The following COL17A1 variants were observed in gnomAD, a reference collection of about 807,000 sequenced individuals.
COL17A1 encodes collagen alpha-1(XVII) chain.
In COL17A1, 181 loss-of-function variants were observed where a neutral mutation model predicts 218.4. The ratio of observed to expected loss-of-function variants is 0.83; its 90% CI spans 0.73 to 0.94. The LOEUF (loss-of-function observed/expected upper bound fraction) is 0.94, where lower values mean the gene tolerates loss of function less well. Among genes scored for constraint, COL17A1 ranks in the 40% least tolerant of loss-of-function variants. The probability of loss-of-function intolerance (pLI) is 0.00; values close to 1 mark genes in which losing one functional copy is unlikely to be tolerated. For synonymous variants in COL17A1, 721 were observed against 731.0 expected, an observed-to-expected ratio of 0.99 and a Z score of 0.22; for missense variants, 1,924 against 1,945.9, an observed-to-expected ratio of 0.99 and a Z score of 0.21.
At chr10:104,049,997 G>T in intron 28 of COL17A1, 92 bp downstream of exon 28, 1 of 1,587,938 alleles carries the variant, frequency 6.3e-7, no homozygotes, top group South Asian at 1.1e-5. Flanking sequence ...AAACAGATTC[G>T]GTCTCTTACT....
At position 104,049,428 on chromosome 10, in the gene COL17A1, G is replaced by C; in HGVS notation, c.2208C>G (p.Pro736=). The change falls in exon 29 of 56, where the codon CCC becomes CCG. Residue 736 remains proline, a synonymous_variant. Coordinates refer to ENST00000648076, the MANE Select transcript of COL17A1 (RefSeq NM_000494.4). ...MRGLPGAVGE[P]GAKGAMGPAG... is the part of the protein sequence containing the mutation. Reference sequence around the variant, plus strand: ...ACTTACCCATTGCTCCTTTAGCCCCGGGCTCACCAACAGCACCAGGCAAAC... The same window carrying C: ...ACTTACCCATTGCTCCTTTAGCCCCCGGCTCACCAACAGCACCAGGCAAAC... The C allele has an allele frequency of 6.2e-7, 1 of 1,614,168 alleles. No individual in the cohort carries two copies. The highest frequency in any genetic ancestry group is 8.5e-7 in the Non-Finnish European group (1 of 1,180,012).
chr10:104,085,557 C>T (rs2086799023), intron 1 of COL17A1, among the ~76,000 whole-genome samples, 166 bp downstream of exon 1: 1 of 152,234 alleles, frequency 6.6e-6, no homozygotes, highest in African/African-American at 2.4e-5. Flanking sequence ...AAGCAGAATG[C>T]ATACACCAAA....
intron 5 of COL17A1, among the ~76,000 whole-genome samples, chr10:104,076,046 C>T (rs1042263447): frequency 1.3e-5 from 2 of 152,240 alleles, no homozygotes; most frequent in African/African-American, 4.8e-5. Context: ...GCATTCTACA[C>T]AGTGTTAAAC....
At chr10:104,066,903 C>G (rs1207123795) in intron 9 of COL17A1, among the ~76,000 whole-genome samples, 1 of 152,126 alleles carries the variant, frequency 6.6e-6, no homozygotes, top group African/African-American at 2.4e-5. Flanking sequence ...AAGTGTGCCT[C>G]TAACAAGTAC....
At chr10:104,042,378 G>T (rs774378565) in intron 36 of COL17A1, 42 bp downstream of exon 36, 2 of 1,610,510 alleles carry the variant, frequency 1.2e-6, no homozygotes, top group Non-Finnish European at 1.7e-6. Context: ...AAGTCCTCCC[G>T]ACTGGGCCCA....
At chr10:104,079,364 C>T (rs1252270651) in intron 2 of COL17A1, among the ~76,000 whole-genome samples, 2 of 151,980 alleles carry the variant, frequency 1.3e-5, no homozygotes, top group Admixed American at 1.3e-4. Flanking sequence ...TGTATGCATG[C>T]ATGCATGTGT....
chr10:104,047,486 C>T (rs1042145307), intron 31 of COL17A1, among the ~76,000 whole-genome samples: 1 of 152,202 alleles, frequency 6.6e-6, no homozygotes, highest in Non-Finnish European at 1.5e-5. Flanking sequence ...GGTGCCAGGG[C>T]CTACAGCCAC....
chr10:104,050,721 T>C, intron 26 of COL17A1, 65 bp from the exon 27 acceptor site: 1 of 1,614,006 alleles, frequency 6.2e-7, no homozygotes, highest in South Asian at 1.1e-5. Context: ...AGGGGCAATG[T>C]CTGTCTCTGA....
chr10:104,043,347 G>A (rs1356677361), intron 35 of COL17A1, among the ~76,000 whole-genome samples, 154 bp downstream of exon 35: 1 of 152,198 alleles, frequency 6.6e-6, no homozygotes, highest in African/African-American at 2.4e-5. Flanking sequence ...CATTGTCTGA[G>A]AATGCAAGAG....
intron 23 of COL17A1, among the ~76,000 whole-genome samples, chr10:104,052,598 C>G (rs1225545789): frequency 6.6e-6 from 1 of 152,180 alleles, no homozygotes; most frequent in South Asian, 2.1e-4. Flanking sequence ...CCTTCCCCAG[C>G]CTCTCCAGCA....
At chr10:104,064,008 G>C (rs1400131868) in intron 10 of COL17A1, among the ~76,000 whole-genome samples, 190 bp from the exon 11 acceptor site, 1 of 152,342 alleles carries the variant, frequency 6.6e-6, no homozygotes, top group South Asian at 2.1e-4. Context: ...ACTGCACCTT[G>C]GGTCACAGCC....
At chr10:104,049,850 G>C (rs573783302) in intron 28 of COL17A1, among the ~76,000 whole-genome samples, 2 of 152,316 alleles carry the variant, frequency 1.3e-5, no homozygotes, top group South Asian at 2.1e-4. Context: ...AAGAATCAGA[G>C]ACAATCCTAC....
intron 55 of COL17A1, 37 bp downstream of exon 55, chr10:104,032,637 T>A: frequency 3.1e-6 from 5 of 1,595,856 alleles, no homozygotes; most frequent in Non-Finnish European, 4.3e-6. Flanking sequence ...CTTGCAGCCC[T>A]CCAGAACATG....
chr10:104,081,103 T>C (rs1211480133), intron 1 of COL17A1, among the ~76,000 whole-genome samples: 2 of 152,256 alleles, frequency 1.3e-5, no homozygotes, highest in Non-Finnish European at 2.9e-5. Flanking sequence ...TAATGTTCAA[T>C]GTTCTTTATG....
At chr10:104,039,188 C>T in intron 43 of COL17A1, 67 bp from the exon 44 acceptor site, 2 of 1,497,680 alleles carry the variant, frequency 1.3e-6, no homozygotes, top group Non-Finnish European at 1.9e-6. Flanking sequence ...AGCCAAACCA[C>T]ACTTATTAGT....
rs556051156 is a variant in COL17A1 at position 104,035,130 on chromosome 10, C to T, written c.3619+133G>A. 1.1e-4 allele frequency: 90 copies of T among 812,084 alleles called. 1 individual carries two copies. In the South Asian group the frequency reaches 1.2e-3, roughly 11 times the overall value. 50.3% of individuals were successfully genotyped at this position (812,084 alleles called of 1,614,324 possible). ...GAAGGCCCCTTGCCAGCACATGTGGCGCTCTCCAGGGCCCTGCACCCAGCA... is the reference window on the plus strand; with the variant it reads ...GAAGGCCCCTTGCCAGCACATGTGGTGCTCTCCAGGGCCCTGCACCCAGCA... On this transcript the variant is annotated intron_variant, in intron 50 of 55. Transcript: ENST00000648076.
intron 15 of COL17A1, among the ~76,000 whole-genome samples, chr10:104,058,523 T>C (rs2086552909): frequency 6.6e-6 from 1 of 152,212 alleles, no homozygotes; most frequent in Non-Finnish European, 1.5e-5. Flanking sequence ...GAAATGACTC[T>C]GATTTCTTGG....
intron 33 of COL17A1, among the ~76,000 whole-genome samples, chr10:104,044,814 C>A (rs912968020): frequency 1.3e-5 from 2 of 152,144 alleles, no homozygotes; most frequent in African/African-American, 4.8e-5. Context: ...ATTCCAAAAC[C>A]TATGAGACTC....
In COL17A1 at chr10:104,050,142, G is replaced by A; in HGVS notation, c.2129-18C>T. On this transcript the variant is annotated intron_variant, in intron 27 of 55. Coordinates refer to ENST00000648076, the MANE Select transcript of COL17A1 (RefSeq NM_000494.4). Reference sequence around the variant, plus strand: ...CTGGTCACCTAAAGCAAACAAGGGGGAGGTGGAAAAAGCCACAGTTGTGAG... The same window carrying A: ...CTGGTCACCTAAAGCAAACAAGGGGAAGGTGGAAAAAGCCACAGTTGTGAG... 1 of 1,614,102 alleles carries A rather than the reference G, an allele frequency of 6.2e-7. No homozygotes were observed. The highest frequency in any genetic ancestry group is 8.5e-7 in the Non-Finnish European group (1 of 1,179,998).
Sources: allele counts gnomAD v4.1 joint callset (sites outside exome capture counted in the v4.1 genomes callset), GRCh38; gene constraint gnomAD v4.1.1; transcripts MANE v1.5; gene names NCBI Gene and HGNC (gene_info 2026-07-23, HGNC 2026-07-21).